Variants in NHSL2 observed in about 807,000 individuals in gnomAD.
NHSL2 encodes NHS like 2.
Under a neutral mutation model 53.4 loss-of-function variants are expected in NHSL2, and 27 were observed. The observed-to-expected ratio is 0.51, with a 90% CI of 0.37 to 0.70. NHSL2 has a LOEUF of 0.70. Among genes scored for constraint, NHSL2 ranks in the 30% least tolerant of loss-of-function variants. The pLI is 0.00. For synonymous variants in NHSL2, 408 were observed against 404.1 expected, an observed-to-expected ratio of 1.01 and a Z score of -0.12; for missense variants, 892 against 980.1, an observed-to-expected ratio of 0.91 and a Z score of 1.20.
At chrX:71,960,387 T>C (rs1400266720) in intron 1 of NHSL2, among the ~76,000 whole-genome samples, 1 of 112,607 alleles carries the variant, frequency 8.9e-6, no homozygotes, top group Non-Finnish European at 1.9e-5. Flanking sequence ...TTATAGCTAC[T>C]ATGTATTTCT....
chrX:72,029,952 T>A (rs2147909126), intron 1 of NHSL2, among the ~76,000 whole-genome samples: 1 of 111,744 alleles, frequency 8.9e-6, no homozygotes, highest in South Asian at 3.8e-4. Context: ...GAGCTAAACG[T>A]TATGTGTACT....
intron 1 of NHSL2, among the ~76,000 whole-genome samples, chrX:71,922,608 T>A (rs1243045556): frequency 9.0e-6 from 1 of 111,671 alleles, no homozygotes; most frequent in Non-Finnish European, 1.9e-5. Context: ...GCCCAAGAGT[T>A]CAAGGCCAGC....
chrX:71,964,031 A>ATG (rs2041887558), intron 1 of NHSL2, among the ~76,000 whole-genome samples: 1 of 40,252 alleles, frequency 2.5e-5, no homozygotes, highest in African/African-American at 1.5e-4. Context: ...ATATGTGTAT[A>ATG]TATATATATA....
Position 72,134,558 on chromosome X carries a change from G to T in NHSL2, c.614G>T (p.Arg205Met). ...SEDETTTQGV[R>M]APEASLSLST... ...GATGAGACTACCACCCAGGGTGTGAGGGCCCCCGAGGCCTCCCTGAGCCTG... is the reference window on the plus strand; with the variant it reads ...GATGAGACTACCACCCAGGGTGTGATGGCCCCCGAGGCCTCCCTGAGCCTG... The change falls in exon 4 of 8, where the codon AGG becomes ATG. Residue 205 changes from arginine to methionine, a missense_variant. By Grantham distance (91) the Arg-to-Met change is moderately conservative (BLOSUM62 -1). Transcript: ENST00000633930. The T allele has an allele frequency of 8.6e-7, 1 of 1,166,682 alleles. No homozygotes were observed. Among genetic ancestry groups the T allele is most frequent in the Non-Finnish European group, 1.1e-6 (1 of 871,675 alleles).
intron 1 of NHSL2, among the ~76,000 whole-genome samples, chrX:72,020,989 T>C (rs1000498182): frequency 1.8e-5 from 2 of 112,318 alleles, no homozygotes; most frequent in Non-Finnish European, 3.8e-5. Context: ...TGACCTTGTC[T>C]TCTCTGAAAG....
chrX:71,995,185 G>A (rs1022663615), intron 1 of NHSL2, among the ~76,000 whole-genome samples: 4 of 111,865 alleles, frequency 3.6e-5, no homozygotes, highest in Middle Eastern at 4.2e-3. Flanking sequence ...CAAACCACTT[G>A]TTACCACCTT....
At chrX:72,043,650 A>G (rs963534543) in intron 1 of NHSL2, among the ~76,000 whole-genome samples, 1 of 111,521 alleles carries the variant, frequency 9.0e-6, no homozygotes, top group Non-Finnish European at 1.9e-5. Flanking sequence ...AGGGGCTGCC[A>G]TGCATCAAAA....
chrX:72,085,487 C>T (rs916939152), intron 1 of NHSL2, among the ~76,000 whole-genome samples: 12 of 111,617 alleles, frequency 1.1e-4, no homozygotes, highest in African/African-American at 3.6e-4. Flanking sequence ...TCATCCATTG[C>T]ACTCATCTGC....
chrX:71,915,709 C>G (rs59534934), intron 1 of NHSL2, among the ~76,000 whole-genome samples: 202 of 111,775 alleles, frequency 1.8e-3, no homozygotes, highest in African/African-American at 6.3e-3. Context: ...GGTCACACAG[C>G]AGGTCAGTGA....
intron 1 of NHSL2, among the ~76,000 whole-genome samples, chrX:72,073,048 A>G (rs957173830): frequency 6.2e-5 from 7 of 112,298 alleles, no homozygotes; most frequent in African/African-American, 2.3e-4. Flanking sequence ...AATTGGGAAG[A>G]TGCGATGTGA....
intron 1 of NHSL2, among the ~76,000 whole-genome samples, chrX:72,102,285 C>T (rs1351077758): frequency 1.8e-5 from 2 of 112,170 alleles, no homozygotes; most frequent in African/African-American, 6.5e-5. Context: ...ACAAGAGAAA[C>T]CAGCCAGGGG....
chrX:72,008,462 C>T (rs1014698892), intron 1 of NHSL2, among the ~76,000 whole-genome samples: 1 of 111,947 alleles, frequency 8.9e-6, no homozygotes, highest in Non-Finnish European at 1.9e-5. Flanking sequence ...CAGCACCACC[C>T]CATGGAGATG....
chrX:72,075,855 T>C (rs1440282354), intron 1 of NHSL2, among the ~76,000 whole-genome samples: 1 of 110,015 alleles, frequency 9.1e-6, no homozygotes, highest in Non-Finnish European at 1.9e-5. Context: ...CCAGGGGTTC[T>C]CAATGAGGCG....
chrX:72,130,142 G>A (rs1402456185), intron 1 of NHSL2: 2 of 1,210,792 alleles, frequency 1.7e-6, no homozygotes, highest in South Asian at 1.8e-5. Flanking sequence ...ATCTCCATCA[G>A]CTCATCTAGG....
intron 1 of NHSL2, among the ~76,000 whole-genome samples, chrX:72,075,808 T>A (rs1434168866): frequency 1.8e-5 from 2 of 110,543 alleles, no homozygotes; most frequent in Non-Finnish European, 3.8e-5. Context: ...TTGCTCAAGA[T>A]GATCAGGGTA....
rs755154996 is a variant in NHSL2, at chrX:72,146,346, ACTCT to A, written c.*2778_*2781del. ...TCCTACCTTTGATTATCATAACTCC[ACTCT>A]CTCTCCCACCCAGGCACTTACCACA... On this transcript the variant is annotated 3_prime_UTR_variant, in exon 8 of 8. Coordinates refer to ENST00000633930, the MANE Select transcript of NHSL2 (RefSeq NM_001013627.3). 8 of 110,274 alleles carry A rather than the reference ACTCT, an allele frequency of 7.3e-5. No individual in the cohort carries two copies. The East Asian group carries it at 1.1e-3, about 16-fold the overall frequency. The allele number at this position is 110,274 out of a possible 1,213,427, so 9.1% of individuals were successfully genotyped here.
rs2042474255 is a variant in NHSL2 at position 72,147,623 on chromosome X, G to A, written c.*4049G>A. The A allele has an allele frequency of 8.9e-6, 1 of 111,739 alleles. No homozygotes were observed. The highest frequency in any genetic ancestry group is 1.9e-5 in the Non-Finnish European group (1 of 53,165). The allele number at this position is 111,739 out of a possible 1,213,427, so 9.2% of individuals were successfully genotyped here. The stretch of plus-strand genomic sequence containing the variant: ...TGGCAAGTTAACACCCATTTCAGCA[G>A]GGATGCTCCCAAGGCCAGCCCTTCA... On this transcript the variant is annotated 3_prime_UTR_variant, in exon 8 of 8. Transcript: ENST00000633930.
rs376543456 is a variant in NHSL2 at position 72,138,477 on chromosome X, C to G, written c.929C>G (p.Ser310Cys). The change falls in exon 6 of 8, where the codon TCT (serine) becomes TGT (cysteine). Residue 310 changes from serine to cysteine, a missense_variant. Coordinates refer to ENST00000633930, the MANE Select transcript of NHSL2 (RefSeq NM_001013627.3). ...AGCCCAGCAGGCAGTGTGGCCCACT[C>G]TACCACCTCCGACATCAGGCCCAGT... ...SNSPAGSVAH[S>C]TTSDIRPSHS... The G allele has an allele frequency of 3.5e-6, 4 of 1,158,356 alleles. No individual in the cohort carries two copies. The highest frequency in any genetic ancestry group is 4.6e-6 in the Non-Finnish European group (4 of 867,256).
At chrX:72,023,517 T>C (rs2042170220) in intron 1 of NHSL2, among the ~76,000 whole-genome samples, 1 of 112,456 alleles carries the variant, frequency 8.9e-6, no homozygotes, top group African/African-American at 3.2e-5. Context: ...AGGTGGGTGA[T>C]GTAATGGGAA....
Sources: allele counts gnomAD v4.1 joint callset (sites outside exome capture counted in the v4.1 genomes callset), GRCh38; gene constraint gnomAD v4.1.1; transcripts MANE v1.5; gene names NCBI Gene and HGNC (gene_info 2026-07-23, HGNC 2026-07-21).